CNRIP1: variants seen among roughly 807,000 people sequenced by gnomAD.
The protein encoded by CNRIP1 is cannabinoid receptor interacting protein 1.
In CNRIP1, 10 loss-of-function variants were observed where a neutral mutation model predicts 15.2. The ratio of observed to expected loss-of-function variants is 0.66; its 90% CI spans 0.41 to 1.12. The LOEUF is 1.12. CNRIP1 is among the 50% of genes most tolerant of loss of function. The pLI is 0.00. For missense variants in CNRIP1, 211 were observed against 214.7 expected, an observed-to-expected ratio of 0.98 and a Z score of 0.11; for synonymous variants, 91 against 83.2, an observed-to-expected ratio of 1.09 and a Z score of -0.51.
intron 1 of CNRIP1, among the ~76,000 whole-genome samples, chr2:68,318,591 G>T (rs1672366875): frequency 6.6e-6 from 1 of 152,176 alleles, no homozygotes; most frequent in Non-Finnish European, 1.5e-5. Flanking sequence ...GAAAACTCAG[G>T]AGAAAAAGAA....
rs1451006364 is a variant in CNRIP1 at position 68,319,643 on chromosome 2, A to G, written c.-243T>C. The G allele has an allele frequency of 5.9e-5, 28 of 471,470 alleles. No individual in the cohort carries two copies. The highest frequency in any genetic ancestry group is 9.4e-5 in the Non-Finnish European group (25 of 266,930). The allele number at this position is 471,470 out of a possible 1,614,324, so 29.2% of individuals were successfully genotyped here. Reference sequence around the variant, plus strand: ...GAAGCGGGCCCAAGAGACGGCTCCAAGGCCGCGCGCTTCCCCATCCCCCGC... The same window carrying G: ...GAAGCGGGCCCAAGAGACGGCTCCAGGGCCGCGCGCTTCCCCATCCCCCGC... On this transcript the variant is annotated 5_prime_UTR_variant, in exon 1 of 3. Transcript: ENST00000263655.
At chr2:68,311,209 A>G (rs78468894) in intron 2 of CNRIP1, among the ~76,000 whole-genome samples, 2,734 of 147,122 alleles carry the variant, frequency 0.019, 93 homozygotes, top group African/African-American at 0.064. Context: ...CCAAGGGGGG[A>G]AAAACCAGTT....
chr2:68,317,096 T>A (rs1295478640), intron 2 of CNRIP1, 61 bp downstream of exon 2: 1 of 1,594,574 alleles, frequency 6.3e-7, no homozygotes, highest in Admixed American at 1.7e-5. Context: ...GTGATTGTTT[T>A]CTTTTCTGTG....
chr2:68,288,866 G>T (rs1671095031), downstream of CNRIP1, among the ~76,000 whole-genome samples: 1 of 152,172 alleles, frequency 6.6e-6, no homozygotes, highest in South Asian at 2.1e-4. Context: ...CATTTGTCAA[G>T]AGAACAGTGA....
intron 2 of CNRIP1, among the ~76,000 whole-genome samples, chr2:68,300,307 T>C (rs1326941498): frequency 6.6e-6 from 1 of 152,142 alleles, no homozygotes; most frequent in Non-Finnish European, 1.5e-5. Context: ...GGTGACTATA[T>C]AGTGATAAGA....
downstream of CNRIP1, among the ~76,000 whole-genome samples, chr2:68,290,948 A>T (rs1671153840): frequency 6.6e-6 from 1 of 152,216 alleles, no homozygotes; most frequent in Non-Finnish European, 1.5e-5. Flanking sequence ...CTGGGTAGCC[A>T]TCTGATGCTT....
chr2:68,306,093 T>C (rs1369383905), intron 2 of CNRIP1, among the ~76,000 whole-genome samples: 2 of 120,572 alleles, frequency 1.7e-5, no homozygotes, highest in Non-Finnish European at 1.6e-5. Flanking sequence ...GCCACTTCAT[T>C]GCAGCCTGGG....
At chr2:68,308,712 T>G (rs1671960706) in intron 2 of CNRIP1, among the ~76,000 whole-genome samples, 1 of 152,170 alleles carries the variant, frequency 6.6e-6, no homozygotes, top group Non-Finnish European at 1.5e-5. Context: ...TGAGCTTAGA[T>G]TTGATGCTGG....
intron 2 of CNRIP1, among the ~76,000 whole-genome samples, chr2:68,285,563 A>T (rs1483444332): frequency 1.3e-5 from 2 of 150,754 alleles, no homozygotes; most frequent in Non-Finnish European, 2.9e-5. Context: ...CTGAGGTGAG[A>T]GGATCACTTG....
intron 2 of CNRIP1, among the ~76,000 whole-genome samples, chr2:68,302,453 G>C (rs1671646878): frequency 6.6e-6 from 1 of 152,186 alleles, no homozygotes; most frequent in South Asian, 2.1e-4. Flanking sequence ...TCTCCTTGGA[G>C]GGACTGATTG....
At chr2:68,313,702 T>C (rs1672174777) in intron 2 of CNRIP1, among the ~76,000 whole-genome samples, 3 of 152,162 alleles carry the variant, frequency 2.0e-5, no homozygotes, top group Admixed American at 6.5e-5. Flanking sequence ...GTTATCTTTA[T>C]TGGGGTGGTG....
At chr2:68,307,650 C>T (rs1032856661) in intron 2 of CNRIP1, among the ~76,000 whole-genome samples, 7 of 152,092 alleles carry the variant, frequency 4.6e-5, no homozygotes, top group Non-Finnish European at 1.0e-4. Context: ...TTAATGATGA[C>T]ATAGGACTCT....
chr2:68,284,609 C>T (rs57908036), intron 2 of CNRIP1: 5,355 of 515,308 alleles, frequency 0.01, 244 homozygotes, highest in African/African-American at 0.096. Flanking sequence ...GTCAGGAGTT[C>T]GAGACCAGCT....
intron 2 of CNRIP1, among the ~76,000 whole-genome samples, chr2:68,304,896 A>G (rs1038471175): frequency 4.6e-5 from 7 of 152,188 alleles, no homozygotes; most frequent in African/African-American, 1.7e-4. Context: ...CAGATAGCCA[A>G]CACAATCCAA....
At chr2:68,296,575 T>TGTGTGG (rs1430545599) in intron 2 of CNRIP1, among the ~76,000 whole-genome samples, 1 of 151,518 alleles carries the variant, frequency 6.6e-6, no homozygotes, top group East Asian at 1.9e-4. Context: ...TGTGTGTGTG[T>TGTGTGG]GTGTGTATTT....
chr2:68,305,611 C>T (rs1454870973), intron 2 of CNRIP1, among the ~76,000 whole-genome samples: 16 of 151,096 alleles, frequency 1.1e-4, no homozygotes, highest in South Asian at 2.1e-4. Flanking sequence ...CTGGCTAACA[C>T]GGTGAAACCC....
intron 2 of CNRIP1, among the ~76,000 whole-genome samples, chr2:68,315,455 A>T (rs1573038177): frequency 6.6e-6 from 1 of 152,198 alleles, no homozygotes; most frequent in East Asian, 1.9e-4. Flanking sequence ...TCAAGAAAAC[A>T]TTAGACAATT....
chr2:68,318,422 A>G (rs1672358871), intron 1 of CNRIP1, among the ~76,000 whole-genome samples: 1 of 152,304 alleles, frequency 6.6e-6, no homozygotes, highest in African/African-American at 2.4e-5. Context: ...TCTTCCGGGT[A>G]GGCTACTGCA....
chr2:68,291,935 A>G (rs1671183860), downstream of CNRIP1, among the ~76,000 whole-genome samples: 1 of 151,010 alleles, frequency 6.6e-6, no homozygotes, highest in African/African-American at 2.4e-5. Flanking sequence ...TAATGTCTCC[A>G]CCCTCAACAC....
Sources: allele counts gnomAD v4.1 joint callset (sites outside exome capture counted in the v4.1 genomes callset), GRCh38; gene constraint gnomAD v4.1.1; transcripts MANE v1.5; gene names NCBI Gene and HGNC (gene_info 2026-07-23, HGNC 2026-07-21).